PCDH11X: variants seen among roughly 807,000 people sequenced by gnomAD.
PCDH11X encodes protocadherin 11 X-linked.
In PCDH11X, 18 loss-of-function variants were observed where a neutral mutation model predicts 53.3. The observed-to-expected ratio is 0.34, with a 90% confidence interval of 0.23 to 0.50. PCDH11X has a LOEUF of 0.50. Ranked by LOEUF, PCDH11X falls within the 20% of genes least tolerant of loss-of-function variation. The probability of loss-of-function intolerance (pLI) is 0.98; values close to 1 mark genes in which losing one functional copy is unlikely to be tolerated. For missense variants in PCDH11X, 570 were observed against 1,032.4 expected, an observed-to-expected ratio of 0.55 and a Z score of 6.14; for synonymous variants, 279 against 393.3, an observed-to-expected ratio of 0.71 and a Z score of 3.44.
intron 6 of PCDH11X, chrX:92,113,506 C>T (rs35221441): frequency 3.3e-5 from 39 of 1,199,832 alleles, no homozygotes; most frequent in South Asian, 5.3e-5. Context: ...AGAGCCAGAA[C>T]GAAACTCCCT....
At chrX:91,905,264 G>A (rs1941113869) in intron 6 of PCDH11X, among the ~76,000 whole-genome samples, 1 of 108,934 alleles carries the variant, frequency 9.2e-6, no homozygotes, top group South Asian at 4.0e-4. Flanking sequence ...CAAGTAGCTG[G>A]GACTACAGGT....
intron 6 of PCDH11X, among the ~76,000 whole-genome samples, chrX:91,962,989 A>C (rs1390530668): frequency 2.7e-5 from 3 of 111,105 alleles, no homozygotes; most frequent in African/African-American, 3.3e-5. Context: ...CCAAAAAAAA[A>C]ACATTTTTCC....
intron 6 of PCDH11X, among the ~76,000 whole-genome samples, chrX:92,092,444 C>G (rs1344388257): frequency 9.0e-6 from 1 of 110,919 alleles, no homozygotes; most frequent in Non-Finnish European, 1.9e-5. Context: ...AGGAGGTCCT[C>G]AAAACATGTT....
intron 6 of PCDH11X, among the ~76,000 whole-genome samples, chrX:92,121,913 A>G (rs1308324684): frequency 9.5e-6 from 1 of 105,818 alleles, no homozygotes; most frequent in Non-Finnish European, 1.9e-5. Flanking sequence ...TTTAGTAGAG[A>G]TGGGGTTTCA....
chrX:92,182,693 G>A (rs1044313137), intron 6 of PCDH11X, among the ~76,000 whole-genome samples: 5 of 111,641 alleles, frequency 4.5e-5, no homozygotes, highest in African/African-American at 1.3e-4. Context: ...GCAAGCTCTC[G>A]CTCTTTGCTT....
intron 6 of PCDH11X, among the ~76,000 whole-genome samples, chrX:91,994,529 A>C (rs1476296861): frequency 2.3e-5 from 2 of 87,592 alleles, no homozygotes; most frequent in Non-Finnish European, 4.4e-5. Context: ...TATACATTAC[A>C]TTTTCTTCAT....
intron 8 of PCDH11X, among the ~76,000 whole-genome samples, chrX:92,304,194 CTT>C (rs2068779529): frequency 9.4e-6 from 1 of 106,822 alleles, no homozygotes; most frequent in Non-Finnish European, 1.9e-5. Context: ...TAGCTATAAA[CTT>C]AATGTTAACC....
intron 10 of PCDH11X, among the ~76,000 whole-genome samples, chrX:92,609,522 G>A (rs781487766): frequency 9.0e-6 from 1 of 111,651 alleles, no homozygotes; most frequent in Non-Finnish European, 1.9e-5. Context: ...CTAATTATAT[G>A]CTTATCTGAC....
intron 6 of PCDH11X, among the ~76,000 whole-genome samples, chrX:92,129,739 T>A (rs954987113): frequency 2.7e-5 from 3 of 111,352 alleles, no homozygotes; most frequent in African/African-American, 9.8e-5. Flanking sequence ...AGAGGATACT[T>A]CTTTCCTTCA....
At chrX:92,002,397 C>T (rs187095918) in intron 6 of PCDH11X, among the ~76,000 whole-genome samples, 142 of 109,584 alleles carry the variant, frequency 1.3e-3, no homozygotes, top group African/African-American at 4.6e-3. Flanking sequence ...TTTGTGGTTT[C>T]ATATTAATTT....
chrX:92,064,612 G>A (rs1005323698), intron 6 of PCDH11X, among the ~76,000 whole-genome samples: 2 of 110,514 alleles, frequency 1.8e-5, no homozygotes, highest in Non-Finnish European at 1.9e-5. Flanking sequence ...TGACATGATA[G>A]GTAAGTTTGC....
chrX:91,846,517 C>A (rs952504126), intron 5 of PCDH11X, among the ~76,000 whole-genome samples: 3 of 108,906 alleles, frequency 2.8e-5, no homozygotes, highest in African/African-American at 6.7e-5. Context: ...ACTCCGGAGG[C>A]TGAGGCAGGA....
At chrX:91,847,643 T>A (rs1218362741) in intron 5 of PCDH11X, among the ~76,000 whole-genome samples, 1 of 111,576 alleles carries the variant, frequency 9.0e-6, no homozygotes, top group Non-Finnish European at 1.9e-5. Context: ...TGAACTTCAC[T>A]CTGTTTTAAT....
At chrX:92,537,086 G>A (rs972927504) in intron 10 of PCDH11X, among the ~76,000 whole-genome samples, 1 of 111,106 alleles carries the variant, frequency 9.0e-6, no homozygotes, top group African/African-American at 3.3e-5. Flanking sequence ...ATATATTCTG[G>A]TTATGAATCC....
intron 10 of PCDH11X, among the ~76,000 whole-genome samples, chrX:92,603,478 A>C (rs3915900): frequency 0.24 from 23,623 of 98,721 alleles, 2,490 homozygotes; most frequent in African/African-American, 0.33. Context: ...CAATAAATTT[A>C]ATGAAGTCTG....
At chrX:92,222,798 C>G (rs1054111370) in intron 7 of PCDH11X, among the ~76,000 whole-genome samples, 5 of 111,570 alleles carry the variant, frequency 4.5e-5, no homozygotes, top group African/African-American at 1.3e-4. Flanking sequence ...CTAGATTTCC[C>G]CTTGGTCCAT....
chrX:92,603,617 A>G (rs1926472236), intron 10 of PCDH11X, among the ~76,000 whole-genome samples: 2 of 106,906 alleles, frequency 1.9e-5, no homozygotes, highest in South Asian at 8.2e-4. Flanking sequence ...GTGAAATAAC[A>G]AAGAGTCGTA....
intron 1 of PCDH11X, among the ~76,000 whole-genome samples, chrX:91,800,921 G>A (rs1411015915): frequency 5.6e-5 from 6 of 107,828 alleles, no homozygotes; most frequent in Non-Finnish European, 5.7e-5. Flanking sequence ...CCCTGGGCCT[G>A]TAATCCCAGT....
At chrX:91,974,212 A>T (rs2062015248) in intron 6 of PCDH11X, among the ~76,000 whole-genome samples, 2 of 110,893 alleles carry the variant, frequency 1.8e-5, no homozygotes, top group South Asian at 7.6e-4. Flanking sequence ...TCTATACATG[A>T]TTTACTTAGA....
Sources: gnomAD v4.1 joint callset for allele counts (sites outside exome capture counted in the v4.1 genomes callset) on GRCh38, gnomAD v4.1.1 for gene constraint, MANE v1.5 for transcripts, NCBI Gene and HGNC (gene_info 2026-07-23, HGNC 2026-07-21) for gene names.